The following KLHL1 variants were observed in gnomAD, a reference collection of about 807,000 sequenced individuals.
KLHL1 encodes kelch-like protein 1.
KLHL1 carries 47 observed loss-of-function variants against 77.7 expected under a neutral mutation model. That is an observed-to-expected ratio of 0.60 (90% CI 0.48 to 0.77). The LOEUF is 0.77. Ranked by LOEUF, KLHL1 falls within the 30% of genes least tolerant of loss-of-function variation. The probability of loss-of-function intolerance (pLI) is 0.00; values close to 1 mark genes in which losing one functional copy is unlikely to be tolerated. For missense variants in KLHL1, 925 were observed against 910.8 expected, an observed-to-expected ratio of 1.02 and a Z score of -0.20; for synonymous variants, 360 against 325.2, an observed-to-expected ratio of 1.11 and a Z score of -1.15.
rs115283146 is a variant in KLHL1, at chr13:70,003,411, C to T, written c.498-27609G>A. On this transcript the variant is annotated intron_variant, in intron 1 of 10. Transcript: ENST00000377844. ...TAGAGGAGAAAAATATTTTCAATGA[C>T]ATGTTAAATACATTCAATTGATATT... 6.5e-3 allele frequency among the ~76,000 whole-genome samples: 982 copies of T among 151,688 alleles called. 13 individuals carry two copies. The highest frequency in any genetic ancestry group is 0.022 in the African/African-American group (913 of 41,486).
chr13:69,786,192 C>G (rs962235699), intron 7 of KLHL1, among the ~76,000 whole-genome samples: 2 of 152,092 alleles, frequency 1.3e-5, no homozygotes, highest in African/African-American at 2.4e-5. Context: ...AAGCCTGGCA[C>G]AGACACAATC....
intron 7 of KLHL1, among the ~76,000 whole-genome samples, chr13:69,773,901 T>G (rs1046601188): frequency 2.0e-5 from 3 of 150,896 alleles, no homozygotes; most frequent in African/African-American, 7.4e-5. Flanking sequence ...TAAAACGTAT[T>G]GTGGGAGTTT....
intron 10 of KLHL1, among the ~76,000 whole-genome samples, chr13:69,706,316 G>A (rs1031951785): frequency 5.3e-5 from 8 of 151,746 alleles, no homozygotes; most frequent in African/African-American, 1.9e-4. Context: ...GTGAAGTCAA[G>A]AGTTTTCCTT....
rs1241603713 is a variant in KLHL1 at position 69,701,701 on chromosome 13, G to A, written c.*1C>T. ...ATCTTTCCAAGTAAAATATCAATAA[G>A]TCAAGGTTGCTTGATGACTACCACA... On this transcript the variant is annotated 3_prime_UTR_variant, in exon 11 of 11. Transcript: ENST00000377844. The A allele has an allele frequency of 1.9e-6, 3 of 1,603,710 alleles. No homozygotes were observed. The highest frequency in any genetic ancestry group is 1.1e-5 in the South Asian group (1 of 90,072).
intron 10 of KLHL1, 68 bp downstream of exon 10, chr13:69,707,557 C>G (rs902979491): frequency 9.0e-6 from 13 of 1,446,898 alleles, no homozygotes; most frequent in Non-Finnish European, 1.1e-5. Context: ...TTGTATACCC[C>G]TCCTCCACAG....
At chr13:70,083,061 G>T (rs1887434705) in intron 1 of KLHL1, among the ~76,000 whole-genome samples, 1 of 151,932 alleles carries the variant, frequency 6.6e-6, no homozygotes, top group Non-Finnish European at 1.5e-5. Flanking sequence ...AATGAATTTG[G>T]TCTCTAACAA....
chr13:69,991,411 A>T (rs972595833), intron 1 of KLHL1, among the ~76,000 whole-genome samples: 1 of 151,856 alleles, frequency 6.6e-6, no homozygotes, highest in Non-Finnish European at 1.5e-5. Flanking sequence ...AACAACAACA[A>T]AAAACAGGAT....
chr13:70,084,941 T>C (rs1442330718), intron 1 of KLHL1, among the ~76,000 whole-genome samples: 2 of 152,096 alleles, frequency 1.3e-5, no homozygotes, highest in Non-Finnish European at 2.9e-5. Context: ...CAGGTACTTT[T>C]TGGAAATAAA....
At chr13:69,733,759 A>G (rs1873652194) in intron 8 of KLHL1, among the ~76,000 whole-genome samples, 1 of 152,196 alleles carries the variant, frequency 6.6e-6, no homozygotes. Context: ...ACAAATTAGG[A>G]AAACCACTTA....
At chr13:69,917,577 T>C (rs1268578655) in intron 4 of KLHL1, among the ~76,000 whole-genome samples, 1 of 152,128 alleles carries the variant, frequency 6.6e-6, no homozygotes, top group Non-Finnish European at 1.5e-5. Context: ...AATTCCATAG[T>C]ATTTTATTGT....
At chr13:69,852,553 G>A (rs373816302) in intron 5 of KLHL1, among the ~76,000 whole-genome samples, 34 of 152,046 alleles carry the variant, frequency 2.2e-4, no homozygotes, top group African/African-American at 7.7e-4. Flanking sequence ...TAATTAGAAG[G>A]TATCAGTCAG....
At chr13:69,855,329 TAGATAGATAGATAGATAG>T (rs1566329426) in intron 5 of KLHL1, among the ~76,000 whole-genome samples, 4 of 113,170 alleles carry the variant, frequency 3.5e-5, no homozygotes, top group Non-Finnish European at 7.6e-5. Context: ...GATAGATAGA[TAGATAGATAGATAGATAG>T]ACAGACAGAT....
intron 10 of KLHL1, among the ~76,000 whole-genome samples, chr13:69,707,325 A>G (rs1023926545): frequency 6.6e-6 from 1 of 152,000 alleles, no homozygotes; most frequent in African/African-American, 2.4e-5. Flanking sequence ...CCAATATATT[A>G]CACTTTTATT....
intron 4 of KLHL1, among the ~76,000 whole-genome samples, chr13:69,922,087 C>T (rs9317846): frequency 6.6e-6 from 1 of 151,632 alleles, no homozygotes; most frequent in Non-Finnish European, 1.5e-5. Context: ...CACGACAGTG[C>T]CTGGCTAAGT....
At chr13:69,766,339 T>C (rs1875301064) in intron 7 of KLHL1, among the ~76,000 whole-genome samples, 1 of 152,052 alleles carries the variant, frequency 6.6e-6, no homozygotes, top group Non-Finnish European at 1.5e-5. Context: ...AATGTTGAGT[T>C]CCTGTATTTG....
chr13:69,945,677 C>T (rs1883503618), intron 3 of KLHL1, among the ~76,000 whole-genome samples: 1 of 152,094 alleles, frequency 6.6e-6, no homozygotes, highest in African/African-American at 2.4e-5. Flanking sequence ...ATTATCAGTG[C>T]TTCAGAAAAT....
intron 1 of KLHL1, among the ~76,000 whole-genome samples, chr13:70,025,270 G>A (rs1885912372): frequency 6.6e-6 from 1 of 152,004 alleles, no homozygotes; most frequent in South Asian, 2.1e-4. Context: ...ATGTGCTGAA[G>A]AGGATCAAGG....
At chr13:69,817,489 C>A (rs1878166604) in intron 6 of KLHL1, among the ~76,000 whole-genome samples, 1 of 152,338 alleles carries the variant, frequency 6.6e-6, no homozygotes, top group East Asian at 1.9e-4. Flanking sequence ...TTGAGATTTA[C>A]TCATTTTAAA....
In KLHL1 at chr13:69,861,796, A is replaced by C. The variant is rs868711859; in HGVS notation, c.1227+20487T>G. ...AACCCCGTCTCTACTAAAAAAAAAA[A>C]AAAAAAAAAAAATACAAAATTAGCC... On this transcript the variant is annotated intron_variant, in intron 5 of 10. Coordinates refer to ENST00000377844, the MANE Select transcript of KLHL1 (RefSeq NM_020866.3). Among the ~76,000 whole-genome samples the C allele has an allele frequency of 2.0e-3, 295 of 148,104 alleles. 4 individuals carry two copies. Among genetic ancestry groups the C allele is most frequent in the African/African-American group, 7.0e-3 (285 of 40,566 alleles).
Sources: gnomAD v4.1 joint callset for allele counts (sites outside exome capture counted in the v4.1 genomes callset) on GRCh38, gnomAD v4.1.1 for gene constraint, MANE v1.5 for transcripts, NCBI Gene and HGNC (gene_info 2026-07-23, HGNC 2026-07-21) for gene names.